CNTNAP2: variants seen among roughly 807,000 people sequenced by gnomAD.
CNTNAP2 encodes contactin associated protein 2, also known as contactin-associated protein-like 2.
In CNTNAP2, 98 loss-of-function variants were observed where a neutral mutation model predicts 155.2. That is an observed-to-expected ratio of 0.63 (90% CI 0.54 to 0.75). CNTNAP2 has a LOEUF of 0.75. CNTNAP2 is among the 30% of genes least tolerant of loss of function. The probability of loss-of-function intolerance (pLI) is 0.00; values close to 1 mark genes in which losing one functional copy is unlikely to be tolerated. For synonymous variants in CNTNAP2, 651 were observed against 631.2 expected (o/e 1.03, Z -0.47); for missense variants, 1,727 against 1,688.1 (o/e 1.02, Z -0.40).
rs1798535316 is a variant in CNTNAP2, at chr7:147,487,724, A to G, written c.1777+1683A>G. 2.0e-5 allele frequency among the ~76,000 whole-genome samples: 3 copies of G among 152,010 alleles called. 1 individual carries two copies. In the South Asian group the frequency reaches 6.2e-4, roughly 32 times the overall value. On this transcript the variant is annotated intron_variant, in intron 11 of 23. Transcript: ENST00000361727. ...AAGGCAAAAAAAAAAATTAAAATGT[A>G]TGCTACTGGTTGAGTAGCTGAGGTT...
intron 1 of CNTNAP2, among the ~76,000 whole-genome samples, chr7:146,526,642 A>G (rs757261281): frequency 6.6e-6 from 1 of 152,122 alleles, no homozygotes; most frequent in African/African-American, 2.4e-5. Flanking sequence ...ACAATTCAAC[A>G]TGAGATTTGA....
chr7:146,437,017 G>T (rs1280875073), intron 1 of CNTNAP2, among the ~76,000 whole-genome samples: 1 of 151,532 alleles, frequency 6.6e-6, no homozygotes, highest in African/African-American at 2.4e-5. Context: ...TGTATGGCCT[G>T]TTAGGAACCG....
At chr7:146,550,261 C>T (rs577678803) in intron 1 of CNTNAP2, among the ~76,000 whole-genome samples, 16 of 151,822 alleles carry the variant, frequency 1.1e-4, no homozygotes, top group Non-Finnish European at 1.9e-4. Context: ...AGTAGGGTGA[C>T]CTGATTTGCC....
intron 1 of CNTNAP2, among the ~76,000 whole-genome samples, chr7:146,537,040 C>A (rs903215573): frequency 2.0e-5 from 3 of 152,070 alleles, no homozygotes; most frequent in Non-Finnish European, 4.4e-5. Flanking sequence ...TACCACAAGT[C>A]CCCTAATGTT....
chr7:147,902,778 TTG>T (rs564991239), intron 13 of CNTNAP2, among the ~76,000 whole-genome samples: 5,234 of 136,596 alleles, frequency 0.038, 98 homozygotes, highest in Middle Eastern at 0.064. Flanking sequence ...TCATATATGT[TTG>T]TGTGTGTGTG....
At chr7:147,817,999 GATTCATTATATCATCTTTTCTGTATACA>G (rs892375753) in intron 13 of CNTNAP2, among the ~76,000 whole-genome samples, 5 of 151,610 alleles carry the variant, frequency 3.3e-5, no homozygotes, top group African/African-American at 1.2e-4. Context: ...AGTTTATGGG[GATTCATTATATCATCTTTTCTGTATACA>G]ATTGGTAGTT....
intron 5 of CNTNAP2, among the ~76,000 whole-genome samples, chr7:147,116,603 T>G (rs953575906): frequency 2.0e-5 from 3 of 152,078 alleles, no homozygotes; most frequent in African/African-American, 7.2e-5. Context: ...AAAACAGCTA[T>G]GTTGTGGTGA....
At position 148,417,057 on chromosome 7, in the gene CNTNAP2, T is replaced by C. The variant is rs1241212763; in HGVS notation, c.*1441T>C. 1 of 152,174 alleles carries C rather than the reference T, an allele frequency of 6.6e-6. No individual in the cohort carries two copies. The highest frequency in any genetic ancestry group is 6.5e-5 in the Admixed American group (1 of 15,284). The allele number at this position is 152,174 out of a possible 1,614,324, so 9.4% of individuals were successfully genotyped here. A position where few individuals can be genotyped will look rare whatever the true frequency, so the allele number is the denominator to read the frequency against. ...CAGAAAGGCTACCATTTATCATCAT[T>C]ATATTTCAAGCCTCTTATACTTAAT... On this transcript the variant is annotated 3_prime_UTR_variant, in exon 24 of 24. Transcript: ENST00000361727.
chr7:146,711,713 A>G (rs1179257001), intron 1 of CNTNAP2, among the ~76,000 whole-genome samples: 1 of 144,876 alleles, frequency 6.9e-6, no homozygotes, highest in African/African-American at 2.5e-5. Flanking sequence ...ATACATATAT[A>G]GTATACACAT....
At position 146,134,395 on chromosome 7, in the gene CNTNAP2, C is replaced by A. The variant is rs1353370350; in HGVS notation, c.97+17422C>A. Among the ~76,000 whole-genome samples, 5 of 146,256 alleles carry A rather than the reference C, an allele frequency of 3.4e-5. No individual in the cohort carries two copies. In the Admixed American group the frequency reaches 3.4e-4, roughly 10 times the overall value. Reference sequence around the variant, plus strand: ...ACTTCCTCTTTTCCTAATTGAATACCCTTTATTTCCTTCTCCTGCCTAATT... The same window carrying A: ...ACTTCCTCTTTTCCTAATTGAATACACTTTATTTCCTTCTCCTGCCTAATT... On this transcript the variant is annotated intron_variant, in intron 1 of 23. Transcript: ENST00000361727.
chr7:146,197,122 C>T (rs1386409953), intron 1 of CNTNAP2, among the ~76,000 whole-genome samples: 1 of 152,100 alleles, frequency 6.6e-6, no homozygotes, highest in South Asian at 2.1e-4. Flanking sequence ...AGTTTTTCCA[C>T]TTTCATTTTT....
chr7:147,314,863 A>G (rs1199508217), intron 9 of CNTNAP2, among the ~76,000 whole-genome samples: 1 of 151,218 alleles, frequency 6.6e-6, no homozygotes, highest in African/African-American at 2.4e-5. Flanking sequence ...TGGAAGATCA[A>G]AAGAAGGAAA....
At chr7:146,978,781 T>C (rs1229698557) in intron 3 of CNTNAP2, among the ~76,000 whole-genome samples, 2 of 151,874 alleles carry the variant, frequency 1.3e-5, no homozygotes, top group African/African-American at 2.4e-5. Context: ...GAGTATTACA[T>C]GTTAATCTCT....
chr7:147,332,295 G>A (rs1408631815), intron 9 of CNTNAP2, among the ~76,000 whole-genome samples: 3 of 152,172 alleles, frequency 2.0e-5, no homozygotes, highest in African/African-American at 7.2e-5. Flanking sequence ...ACAGAAAAGA[G>A]GGCAAAACGG....
intron 21 of CNTNAP2, among the ~76,000 whole-genome samples, chr7:148,336,527 C>T (rs1174111121): frequency 7.4e-6 from 1 of 134,434 alleles, no homozygotes; most frequent in Non-Finnish European, 1.6e-5. Flanking sequence ...CTAACCTACA[C>T]TTCCTGTTTG....
At chr7:147,351,610 A>G (rs1354801146) in intron 9 of CNTNAP2, among the ~76,000 whole-genome samples, 1 of 151,838 alleles carries the variant, frequency 6.6e-6, no homozygotes, top group Non-Finnish European at 1.5e-5. Flanking sequence ...TATATTTGTT[A>G]TAGTCTAAAT....
chr7:147,480,361 G>C (rs561630342), intron 10 of CNTNAP2, among the ~76,000 whole-genome samples: 1 of 152,134 alleles, frequency 6.6e-6, no homozygotes, highest in African/African-American at 2.4e-5. Flanking sequence ...TTAATGTCCA[G>C]GTGTAAAGTT....
intron 9 of CNTNAP2, among the ~76,000 whole-genome samples, chr7:147,325,282 G>C (rs1379314114): frequency 6.6e-6 from 1 of 152,098 alleles, no homozygotes; most frequent in African/African-American, 2.4e-5. Context: ...TCTGGGATGG[G>C]AGACAGGGCA....
intron 10 of CNTNAP2, among the ~76,000 whole-genome samples, chr7:147,466,008 C>T (rs1050132080): frequency 1.6e-4 from 25 of 152,290 alleles, no homozygotes; most frequent in Admixed American, 1.4e-3. Flanking sequence ...TCAAAGCTCA[C>T]TGAAAAATCA....
Sources: gnomAD v4.1 joint callset for allele counts (sites outside exome capture counted in the v4.1 genomes callset) on GRCh38, gnomAD v4.1.1 for gene constraint, MANE v1.5 for transcripts, NCBI Gene and HGNC (gene_info 2026-07-23, HGNC 2026-07-21) for gene names.